NELL2: variants seen among roughly 807,000 people sequenced by gnomAD.
NELL2 encodes neural EGFL like 2.
NELL2 carries 41 observed loss-of-function variants against 109.6 expected under a neutral mutation model. That is an observed-to-expected ratio of 0.37 (90% CI 0.29 to 0.49). The LOEUF is 0.49. NELL2 is among the 20% of genes least tolerant of loss of function. The pLI is 0.98. For missense variants in NELL2, 900 were observed against 1,008.3 expected (o/e 0.89, Z 1.45); for synonymous variants, 355 against 344.7 (o/e 1.03, Z -0.33).
chr12:44,910,501 T>C lies in NELL2; in HGVS notation c.38+3298A>G, dbSNP rs547890066. On this transcript the variant is annotated intron_variant, in intron 1 of 20. Coordinates refer to the NELL2 transcript ENST00000333837. Reference sequence around the variant, plus strand: ...TGGAGAGAAAGGAGAACTTATGCACTGTTGGTGGGAATGTAAATTAGTTCA... The same window carrying C: ...TGGAGAGAAAGGAGAACTTATGCACCGTTGGTGGGAATGTAAATTAGTTCA... Among the ~76,000 whole-genome samples the C allele has an allele frequency of 2.0e-5, 3 of 152,124 alleles. No individual in the cohort carries two copies. The South Asian group carries it at 6.2e-4, about 31-fold the overall frequency.
chr12:44,548,782 T>G (rs571416658), intron 15 of NELL2, among the ~76,000 whole-genome samples: 1 of 152,344 alleles, frequency 6.6e-6, no homozygotes, highest in Non-Finnish European at 1.5e-5. Flanking sequence ...TTGTCTCACC[T>G]TTTAATTGGC....
At chr12:44,518,571 C>G (rs547574790) in intron 19 of NELL2, among the ~76,000 whole-genome samples, 1 of 152,268 alleles carries the variant, frequency 6.6e-6, no homozygotes, top group African/African-American at 2.4e-5. Flanking sequence ...CCCCAGAAAA[C>G]AGTCTGAGTT....
rs975070930 is a variant in NELL2 at position 44,617,691 on chromosome 12, CAAAA to C, written c.1445-6725_1445-6722del. ...TGGGCGACAGAGCGAGACTCCGTCT[CAAAA>C]AAAAAAAAAAAAAAAAAAGAAAAAG... On this transcript the variant is annotated intron_variant, in intron 13 of 19. Coordinates refer to ENST00000429094, the MANE Select transcript of NELL2 (RefSeq NM_001145108.2). 3.5e-3 allele frequency among the ~76,000 whole-genome samples: 79 copies of C among 22,380 alleles called. 1 individual carries two copies. The highest frequency in any genetic ancestry group is 0.028 in the Middle Eastern group (1 of 36). The allele number at this position is 22,380 out of a possible 152,430, so 14.7% of individuals were successfully genotyped here. A position where few individuals can be genotyped will look rare whatever the true frequency, so the allele number is the denominator to read the frequency against.
At chr12:44,888,315 T>C (rs977266242) in intron 1 of NELL2, among the ~76,000 whole-genome samples, 1 of 151,854 alleles carries the variant, frequency 6.6e-6, no homozygotes, top group Non-Finnish European at 1.5e-5. Context: ...CTTTAGCTAT[T>C]TGAGGTCTTT....
intron 1 of NELL2, among the ~76,000 whole-genome samples, chr12:44,888,417 A>G (rs575063416): frequency 1.3e-5 from 2 of 149,456 alleles, no homozygotes; most frequent in Middle Eastern, 3.4e-3. Context: ...ACTATTTGAC[A>G]AACCTTCACC....
Position 44,673,209 on chromosome 12 carries a change from A to C in NELL2, c.1319-7600T>G, listed in dbSNP as rs61932372. Among the ~76,000 whole-genome samples the C allele has an allele frequency of 6.3e-3, 964 of 152,360 alleles. 6 individuals carry two copies. The highest frequency in any genetic ancestry group is 0.014 in the South Asian group (68 of 4,830). On this transcript the variant is annotated intron_variant, in intron 12 of 19. Transcript: ENST00000429094. ...TTATGTACTGAAATTGCAAAGTTAC[A>C]TAAAAGTCATTTCCATTTACATGTA...
intron 13 of NELL2, among the ~76,000 whole-genome samples, chr12:44,644,608 GTATA>G (rs1180129986): frequency 5.5e-5 from 5 of 90,830 alleles, no homozygotes; most frequent in African/African-American, 1.8e-4. Context: ...ATATATGTAT[GTATA>G]TATATATATA....
chr12:44,807,238 A>G (rs1268191897), intron 3 of NELL2, among the ~76,000 whole-genome samples: 1 of 151,794 alleles, frequency 6.6e-6, no homozygotes, highest in Non-Finnish European at 1.5e-5. Flanking sequence ...GCATTTAATT[A>G]TAAGGCATCA....
At chr12:44,657,561 TGGTG>T (rs1947556323) in intron 13 of NELL2, among the ~76,000 whole-genome samples, 1 of 152,054 alleles carries the variant, frequency 6.6e-6, no homozygotes, top group African/African-American at 2.4e-5. Flanking sequence ...ACACGTGCCA[TGGTG>T]GTTTGCTGCA....
At chr12:44,894,478 A>G (rs906798158) in intron 1 of NELL2, among the ~76,000 whole-genome samples, 2 of 152,232 alleles carry the variant, frequency 1.3e-5, no homozygotes, top group Non-Finnish European at 2.9e-5. Context: ...TTAATCTTGC[A>G]TCATTAACCA....
chr12:44,805,221 C>A (rs1942960589), intron 3 of NELL2, among the ~76,000 whole-genome samples: 1 of 151,738 alleles, frequency 6.6e-6, no homozygotes, highest in South Asian at 2.1e-4. Flanking sequence ...TCAATACATA[C>A]CAATGAAATT....
intron 2 of NELL2, among the ~76,000 whole-genome samples, chr12:44,851,140 A>G (rs55741117): frequency 0.14 from 21,217 of 152,178 alleles, 1,790 homozygotes; most frequent in East Asian, 0.23. Flanking sequence ...AATCAACAAG[A>G]GAACTCTAAA....
chr12:44,542,302 T>TC (rs1942611176), intron 15 of NELL2, among the ~76,000 whole-genome samples: 1 of 151,598 alleles, frequency 6.6e-6, no homozygotes, highest in Non-Finnish European at 1.5e-5. Flanking sequence ...TTTTTTTTTT[T>TC]TTTGCAGACC....
intron 13 of NELL2, among the ~76,000 whole-genome samples, chr12:44,618,028 G>T (rs1435277862): frequency 6.6e-6 from 1 of 151,962 alleles, no homozygotes; most frequent in Non-Finnish European, 1.5e-5. Context: ...TTGAGCAACA[G>T]CTATTCATTT....
chr12:44,795,266 C>T (rs1942578588), intron 3 of NELL2, among the ~76,000 whole-genome samples: 1 of 152,104 alleles, frequency 6.6e-6, no homozygotes, highest in Admixed American at 6.5e-5. Flanking sequence ...AAAGAAAAGC[C>T]ATATGTACTT....
intron 9 of NELL2, among the ~76,000 whole-genome samples, chr12:44,769,753 C>A (rs1941472577): frequency 6.6e-6 from 1 of 152,064 alleles, no homozygotes; most frequent in South Asian, 2.1e-4. Context: ...TACATAAACA[C>A]AAATAAAATA....
At chr12:44,844,479 A>G (rs1944315411) in intron 2 of NELL2, among the ~76,000 whole-genome samples, 1 of 152,232 alleles carries the variant, frequency 6.6e-6, no homozygotes, top group African/African-American at 2.4e-5. Context: ...ACAAAGCACT[A>G]CAACATAGAA....
At chr12:44,565,033 T>C (rs1394468760) in intron 15 of NELL2, among the ~76,000 whole-genome samples, 1 of 152,192 alleles carries the variant, frequency 6.6e-6, no homozygotes, top group Non-Finnish European at 1.5e-5. Flanking sequence ...TTAATCTTTT[T>C]CCTAGACCTA....
At chr12:44,622,714 AT>A (rs1320889605) in intron 13 of NELL2, among the ~76,000 whole-genome samples, 5 of 152,142 alleles carry the variant, frequency 3.3e-5, no homozygotes, top group African/African-American at 1.2e-4. Flanking sequence ...CTTCCAACTT[AT>A]AGAAAATAGA....
Sources: gnomAD v4.1 joint callset for allele counts (sites outside exome capture counted in the v4.1 genomes callset) on GRCh38, gnomAD v4.1.1 for gene constraint, MANE v1.5 for transcripts, NCBI Gene and HGNC (gene_info 2026-07-23, HGNC 2026-07-21) for gene names.